TNXB: variants seen among roughly 807,000 people sequenced by gnomAD.
The protein encoded by TNXB is tenascin XB, also known as tenascin-X.
TNXB carries 183 observed loss-of-function variants against 340.5 expected under a neutral mutation model. The observed-to-expected ratio is 0.54, with a 90% CI of 0.48 to 0.61. The LOEUF (loss-of-function observed/expected upper bound fraction) is 0.61. TNXB is among the 20% of genes least tolerant of loss of function. The pLI is 0.00. For missense variants in TNXB, 4,613 were observed against 5,446.4 expected (o/e 0.85, Z 4.82); for synonymous variants, 2,121 against 2,314.5 (o/e 0.92, Z 2.40).
chr6:32,070,293 A>G lies in TNXB; in HGVS notation c.5112T>C (p.Phe1704=), dbSNP rs1778690151. Residue 1704 remains phenylalanine (F), a synonymous_variant, in exon 14 of 44, where the codon TTT becomes TTC. Coordinates refer to ENST00000644971, the MANE Select transcript of TNXB (RefSeq NM_001365276.2). The surrounding 1 kb of genome is among the most constrained non-coding windows in gnomAD (Gnocchi z 6.0). ...WTVPEGQFDS[F]VVQFKDKDGP... is the part of the protein sequence containing the mutation. Reference sequence around the variant, plus strand: ...CGTCTTTGTCCTTGAACTGGACCACAAAAGAGTCGAACTGGCCCTCAGGAA... The same window carrying G: ...CGTCTTTGTCCTTGAACTGGACCACGAAAGAGTCGAACTGGCCCTCAGGAA... 1.2e-6 allele frequency: 2 copies of G among 1,612,930 alleles called. No individual in the cohort carries two copies. The highest frequency in any genetic ancestry group is 1.3e-5 in the African/African-American group (1 of 74,856).
At position 32,096,215 on chromosome 6, in the gene TNXB, G is replaced by T; in HGVS notation, c.1638C>A (p.Asp546Glu). ...TGCAGTCTTCCCCTGAGTAGCCTGC[G>T]TCACACACGCACACGCCATCCTCGC... ...GLCEDGVCVCDAGYSGEDCST... is the reference protein window; with the variant it reads ...GLCEDGVCVCEAGYSGEDCST... The change falls in exon 3 of 44, where the codon GAC becomes GAA. Residue 546 changes from aspartate to glutamate, a missense_variant. By Grantham distance (45) the Asp-to-Glu change is conservative. This residue lies in a region of TNXB where 4,327 missense variants were observed against 4,859.4 expected (regional missense o/e 0.89). Transcript: ENST00000644971. 1 of 1,568,748 alleles carries T rather than the reference G, an allele frequency of 6.4e-7. No homozygotes were observed. Among genetic ancestry groups the T allele is most frequent in the Non-Finnish European group, 8.6e-7 (1 of 1,160,358 alleles).
intron 1 of TNXB, among the ~76,000 whole-genome samples, chr6:32,104,256 C>A (rs1780868539): frequency 6.6e-6 from 1 of 152,218 alleles, no homozygotes; most frequent in South Asian, 2.1e-4. Context: ...CTTATAACTT[C>A]AATTTCCAAA....
intron 6 of TNXB, 122 bp downstream of exon 6, chr6:32,088,663 A>G: frequency 7.1e-7 from 1 of 1,401,776 alleles, no homozygotes; most frequent in Non-Finnish European, 9.6e-7. Flanking sequence ...AGGTGCCTCG[A>G]GACTGCCACA....
Position 32,098,113 on chromosome 6 carries a change from C to G in TNXB, c.86G>C (p.Arg29Pro). ...GGGGGCTGGCAGTGTCACATTGGACCGTGAAGAGAAGGGGCCTGCTCTGGC... is the reference window on the plus strand; with the variant it reads ...GGGGGCTGGCAGTGTCACATTGGACGGTGAAGAGAAGGGGCCTGCTCTGGC... ...STARAGPFSSRSNVTLPAPRP... is the reference protein window; with the variant it reads ...STARAGPFSSPSNVTLPAPRP... Residue 29 changes from arginine (R) to proline (P), a missense_variant, in exon 2 of 44, where the codon CGG becomes CCG. By Grantham distance (103) the Arg-to-Pro change is moderately radical (BLOSUM62 -2). Coordinates refer to ENST00000644971, the MANE Select transcript of TNXB (RefSeq NM_001365276.2). 4 of 1,599,934 alleles carry G rather than the reference C, an allele frequency of 2.5e-6. No homozygotes were observed. Among genetic ancestry groups the G allele is most frequent in the South Asian group, 2.2e-5 (2 of 89,218 alleles).
chr6:32,067,944 C>T lies in TNXB; in HGVS notation c.6261G>A (p.Met2087Ile), dbSNP rs1582403461. Residue 2087 changes from methionine to isoleucine, a missense_variant, in exon 18 of 44, where the codon ATG (methionine) becomes ATA (isoleucine). Met to Ile is a conservative substitution (Grantham distance 10, BLOSUM62 1). Coordinates refer to ENST00000644971, the MANE Select transcript of TNXB (RefSeq NM_001365276.2). The surrounding 1 kb of genome is among the most constrained non-coding windows in gnomAD (Gnocchi z 4.2). ...GCTCCTCAGCGGGCTCCGGGGCCTCCATGCTGGGTTCTGTGGGGCTGGGGG... is the reference window on the plus strand; with the variant it reads ...GCTCCTCAGCGGGCTCCGGGGCCTCTATGCTGGGTTCTGTGGGGCTGGGGG... ...EETPSPTEPS[M>I]EAPEPAEEPL... The T allele has an allele frequency of 6.2e-7, 1 of 1,612,412 alleles. No individual in the cohort carries two copies. Among genetic ancestry groups the T allele is most frequent in the Non-Finnish European group, 8.5e-7 (1 of 1,179,834 alleles).
rs1340388382 is a variant in TNXB at position 32,050,231 on chromosome 6, G to A, written c.9206C>T (p.Thr3069Ile). The A allele has an allele frequency of 1.2e-6, 2 of 1,613,718 alleles. No homozygotes were observed. The highest frequency in any genetic ancestry group is 1.7e-6 in the Non-Finnish European group (2 of 1,179,862). The change falls in exon 27 of 44, where the codon ACA becomes ATA. Residue 3069 changes from threonine (T) to isoleucine (I), a missense_variant. Physicochemically the swap from Thr to Ile is moderately conservative, Grantham distance 89. Transcript: ENST00000644971. ...GCTGAGGGAGTCGGGGGTGGCATCTGTCACGGTCAGCTCCCCCAGGCGAGG... is the reference window on the plus strand; with the variant it reads ...GCTGAGGGAGTCGGGGGTGGCATCTATCACGGTCAGCTCCCCCAGGCGAGG... ...IKPRLGELTV[T>I]DATPDSLSLS...
rs1781077806 is a variant in TNXB, at chr6:32,108,345, T to A, written c.-9+836A>T. Among the ~76,000 whole-genome samples the A allele has an allele frequency of 6.6e-6, 1 of 152,114 alleles. No individual in the cohort carries two copies. On this transcript the variant is annotated intron_variant, in intron 1 of 43. Coordinates refer to ENST00000644971, the MANE Select transcript of TNXB (RefSeq NM_001365276.2). The surrounding 1 kb of genome is among the most constrained non-coding windows in gnomAD (Gnocchi z 4.8). ...CTTCCCACCCGGGGCGTGTCACGTG[T>A]ACTGGTGGTGGGGGGCGGGGGCGGC... is the stretch of plus-strand genomic sequence containing the variant.
At chr6:32,059,156 C>T (rs746519640) in intron 21 of TNXB, among the ~76,000 whole-genome samples, 1 of 151,698 alleles carries the variant, frequency 6.6e-6, no homozygotes, top group Non-Finnish European at 1.5e-5. Flanking sequence ...CAGTGGTTCA[C>T]GCCTGTAATC....
rs771286654 is a variant in TNXB at position 32,068,382 on chromosome 6, C to T, written c.6220+8G>A. On this transcript the variant is annotated splice_region_variant and intron_variant, in intron 17 of 43. Coordinates refer to ENST00000644971, the MANE Select transcript of TNXB (RefSeq NM_001365276.2). This position sits in a 1 kb window ranked among gnomAD's most constrained non-coding sequence, Gnocchi z 5.3. Reference sequence around the variant, plus strand: ...GCTCCCACCCTGGGGCTCCCATCATCCACTCACCTGTCACCCCGACGACAG... The same window carrying T: ...GCTCCCACCCTGGGGCTCCCATCATTCACTCACCTGTCACCCCGACGACAG... 1.5e-5 allele frequency: 24 copies of T among 1,612,464 alleles called. No homozygotes were observed. In the Middle Eastern group the frequency reaches 2.1e-3, roughly 144 times the overall value.
In TNXB at chr6:32,081,322, C is replaced by T. The variant is rs548035339; in HGVS notation, c.4042+46G>A. 41 of 1,495,862 alleles carry T rather than the reference C, an allele frequency of 2.7e-5. No individual in the cohort carries two copies. The highest frequency in any genetic ancestry group is 1.4e-4 in the African/African-American group (10 of 72,290). 92.7% of individuals were successfully genotyped at this position (1,495,862 alleles called of 1,614,324 possible). A position where few individuals can be genotyped will look rare whatever the true frequency, so the allele number is the denominator to read the frequency against. ...AGGAGCCCCAGCCAAGTCCCGCTCA[C>T]AGGATGGGGCTAGCAGGGGAGGGAG... On this transcript the variant is annotated intron_variant, in intron 10 of 43. Coordinates refer to ENST00000644971, the MANE Select transcript of TNXB (RefSeq NM_001365276.2). The surrounding 1 kb of genome is among the most constrained non-coding windows in gnomAD (Gnocchi z 5.1).
At chr6:32,099,231 CTCACT>C (rs1433082685) in intron 1 of TNXB, among the ~76,000 whole-genome samples, 4 of 97,592 alleles carry the variant, frequency 4.1e-5, no homozygotes, top group Non-Finnish European at 5.9e-5. Context: ...CCCTCTCTCT[CTCACT>C]TTTTTTTTTT....
chr6:32,081,367 C>G lies in TNXB; in HGVS notation c.4042+1G>C. ...AGGGAGGCCTGGCAGCCATGACTCACCAGTCTTGGCCACCACAGACTCGGG... is the reference window on the plus strand; with the variant it reads ...AGGGAGGCCTGGCAGCCATGACTCAGCAGTCTTGGCCACCACAGACTCGGG... On this transcript the variant is annotated splice_donor_variant, in intron 10 of 43. Coordinates refer to ENST00000644971, the MANE Select transcript of TNXB (RefSeq NM_001365276.2). LOFTEE classifies it high-confidence loss of function. This position sits in a 1 kb window ranked among gnomAD's most constrained non-coding sequence, Gnocchi z 5.1. 1 of 1,531,020 alleles carries G rather than the reference C, an allele frequency of 6.5e-7. No homozygotes were observed. The highest frequency in any genetic ancestry group is 8.8e-7 in the Non-Finnish European group (1 of 1,133,076). The allele number at this position is 1,531,020 out of a possible 1,614,324, so 94.8% of individuals were successfully genotyped here. A position where few individuals can be genotyped will look rare whatever the true frequency, so the allele number is the denominator to read the frequency against.
rs778455048 is a variant in TNXB at position 32,095,972 on chromosome 6, C to A, written c.1881G>T (p.Gly627=). Reference sequence around the variant, plus strand: ...AGCGCCCTTCCTCACAGCGGCCCCTCCCGTGGCAGTTGGAGGGGCAGGTGC... The same window carrying A: ...AGCGCCCTTCCTCACAGCGGCCCCTACCGTGGCAGTTGGAGGGGCAGGTGC... The part of the protein sequence containing the change: ...SIRTCPSNCH[G]RGRCEEGRCL... The change falls in exon 3 of 44, where the codon GGG becomes GGT. Residue 627 remains glycine (G), a synonymous_variant. Coordinates refer to ENST00000644971, the MANE Select transcript of TNXB (RefSeq NM_001365276.2). 25 of 1,613,018 alleles carry A rather than the reference C, an allele frequency of 1.5e-5. No individual in the cohort carries two copies. In the South Asian group the frequency reaches 2.1e-4, roughly 13 times the overall value.
intron 1 of TNXB, among the ~76,000 whole-genome samples, chr6:32,100,107 CT>C (rs28892603): frequency 0.092 from 13,006 of 141,082 alleles, 577 homozygotes; most frequent in South Asian, 0.16. Context: ...AGCAAGATTT[CT>C]TTTTTTTTTT....
chr6:32,047,105 G>A lies in TNXB; in HGVS notation c.10324+629C>T, dbSNP rs1776940050. ...GGTGGGGCTGGGGCCGATGGGTGGG[G>A]ATCTGTACCCCGTCCCCACAGTGAG... On this transcript the variant is annotated intron_variant, in intron 30 of 43. Coordinates refer to ENST00000644971, the MANE Select transcript of TNXB (RefSeq NM_001365276.2). This position sits in a 1 kb window ranked among gnomAD's most constrained non-coding sequence, Gnocchi z 6.2. 6.6e-6 allele frequency among the ~76,000 whole-genome samples: 1 copy of A among 152,230 alleles called. No individual in the cohort carries two copies. Among genetic ancestry groups the A allele is most frequent in the Admixed American group, 6.5e-5 (1 of 15,290 alleles).
At position 32,073,631 on chromosome 6, in the gene TNXB, T is replaced by TC. The variant is rs2151920884; in HGVS notation, c.4681+15dup. ...TGGGTAACCAGAGATGAGGACTGAG[T>TC]CCCCCCATTACTCACCCGTCACGAT... On this transcript the variant is annotated intron_variant, in intron 12 of 43. Transcript: ENST00000644971. The surrounding 1 kb of genome is among the most constrained non-coding windows in gnomAD (Gnocchi z 4.6). 6.3e-7 allele frequency: 1 copy of TC among 1,597,218 alleles called. No homozygotes were observed. Among genetic ancestry groups the TC allele is most frequent in the Admixed American group, 1.7e-5 (1 of 59,490 alleles).
In TNXB at chr6:32,075,624, C is replaced by G. The variant is rs570472292; in HGVS notation, c.4376-1672G>C. Among the ~76,000 whole-genome samples the G allele has an allele frequency of 6.6e-6, 1 of 152,336 alleles. No homozygotes were observed. Among genetic ancestry groups the G allele is most frequent in the South Asian group, 2.1e-4 (1 of 4,828 alleles). ...CTGACATATTTGTGCAATTTGTTGC[C>G]TGTCCCTCTCCACTAGAATGTGAGC... On this transcript the variant is annotated intron_variant, in intron 11 of 43. Transcript: ENST00000644971. The surrounding 1 kb of genome is among the most constrained non-coding windows in gnomAD (Gnocchi z 4.6).
chr6:32,042,517 C>A lies in TNXB; in HGVS notation c.12148G>T (p.Gly4050Cys). Reference sequence around the variant, plus strand: ...ACGTTCAGGGGCCGCTCGCGGTTGCCGTTGAGGAAGATGGTGCTGGTCCTG... The same window carrying A: ...ACGTTCAGGGGCCGCTCGCGGTTGCAGTTGAGGAAGATGGTGCTGGTCCTG... The part of the protein sequence containing the change: ...ASRTSTIFLN[G>C]NRERPLNVFC... Residue 4050 changes from glycine to cysteine, a missense_variant, in exon 40 of 44, where the codon GGC becomes TGC. Physicochemically the swap from Gly to Cys is radical, Grantham distance 159 (BLOSUM62 -3). Around this residue, in one of 7 missense-constraint regions of TNXB, gnomAD observed 121 missense variants for 177.4 expected, o/e 0.68. Transcript: ENST00000644971. The A allele has an allele frequency of 6.2e-7, 1 of 1,612,504 alleles. No individual in the cohort carries two copies. The highest frequency in any genetic ancestry group is 8.5e-7 in the Non-Finnish European group (1 of 1,179,986).
rs1288497011 is a variant in TNXB, at chr6:32,067,248, G to A, written c.6544+413C>T. On this transcript the variant is annotated intron_variant, in intron 18 of 43. Coordinates refer to ENST00000644971, the MANE Select transcript of TNXB (RefSeq NM_001365276.2). The surrounding 1 kb of genome is among the most constrained non-coding windows in gnomAD (Gnocchi z 4.2). The stretch of plus-strand genomic sequence containing the variant: ...CAGAGATGAGCCAGACTGGCCAGAA[G>A]TCGATATTTGATTGAAGGAGGATGG... 6.6e-6 allele frequency among the ~76,000 whole-genome samples: 1 copy of A among 152,186 alleles called. No individual in the cohort carries two copies. Among genetic ancestry groups the A allele is most frequent in the Admixed American group, 6.5e-5 (1 of 15,282 alleles).
Sources: gnomAD v4.1 joint callset for allele counts (sites outside exome capture counted in the v4.1 genomes callset) on GRCh38, gnomAD v4.1.1 for gene constraint, gnomAD v4.1.1 regional missense constraint, Gnocchi (gnomAD v3.1) non-coding constraint, MANE v1.5 for transcripts, NCBI Gene and HGNC (gene_info 2026-07-23, HGNC 2026-07-21) for gene names.